The following RB1 variants were observed in gnomAD, a reference collection of about 807,000 sequenced individuals.
RB1 encodes the protein RB transcriptional corepressor 1.
A neutral mutation model predicts 135.4 loss-of-function variants in RB1; 18 were observed. That is an observed-to-expected ratio of 0.13 (90% CI 0.09 to 0.20). The LOEUF (loss-of-function observed/expected upper bound fraction) is 0.20. RB1 is among the 10% of genes least tolerant of loss of function. The pLI, the probability that RB1 is intolerant of heterozygous loss-of-function variation, is 1.00. For synonymous variants in RB1, 365 were observed against 373.2 expected (o/e 0.98, Z 0.25); for missense variants, 868 against 1,110.0 (o/e 0.78, Z 3.10).
In RB1 at chr13:48,320,837, G is replaced by GAA. The variant is rs531135502; in HGVS notation, c.264+13444_264+13445dup. ...CAGAGCGAGACTCCGTCTCAAAAAA[G>GAA]AAAAAAAAAAAAAAGAGTGGCAAGT... is the stretch of plus-strand genomic sequence containing the variant. On this transcript the variant is annotated intron_variant, in intron 2 of 26. Transcript: ENST00000267163. 6.3e-3 allele frequency among the ~76,000 whole-genome samples: 691 copies of GAA among 108,956 alleles called. 11 individuals carry two copies. The highest frequency in any genetic ancestry group is 0.044 in the South Asian group (153 of 3,496). The allele number at this position is 108,956 out of a possible 152,430, so 71.5% of individuals were successfully genotyped here. A position where few individuals can be genotyped will look rare whatever the true frequency, so the allele number is the denominator to read the frequency against.
chr13:48,381,924 C>A (rs989978262), intron 17 of RB1, among the ~76,000 whole-genome samples: 1 of 152,156 alleles, frequency 6.6e-6, no homozygotes, highest in Middle Eastern at 3.4e-3. Context: ...CATTTCCCAC[C>A]TATGAGTGAG....
rs1566197747 is a variant in RB1, at chr13:48,376,996, A to G, written c.1294A>G (p.Lys432Glu). 1.2e-6 allele frequency: 2 copies of G among 1,613,850 alleles called. No individual in the cohort carries two copies. Among genetic ancestry groups the G allele is most frequent in the Non-Finnish European group, 1.7e-6 (2 of 1,179,866 alleles). Reference protein sequence around the residue: ...IGYIFKEKFAKAVGQGCVEIG... With the variant: ...IGYIFKEKFAEAVGQGCVEIG... ...ATACATCTTTAAAGAGAAATTTGCTAAAGCTGTGGGACAGGGTTGTGTCGA... is the reference window on the plus strand; with the variant it reads ...ATACATCTTTAAAGAGAAATTTGCTGAAGCTGTGGGACAGGGTTGTGTCGA... The change falls in exon 13 of 27, where the codon AAA (lysine) becomes GAA (glutamate). Residue 432 changes from lysine to glutamate, a missense_variant. This residue lies in a region of RB1 where 641 missense variants were observed against 791.3 expected (regional missense o/e 0.81). Coordinates refer to ENST00000267163, the MANE Select transcript of RB1 (RefSeq NM_000321.3).
chr13:48,335,395 T>G (rs1024415538), intron 2 of RB1, among the ~76,000 whole-genome samples: 2 of 152,108 alleles, frequency 1.3e-5, no homozygotes, highest in African/African-American at 4.8e-5. Flanking sequence ...ACATATCAAG[T>G]GTACACATTT....
At position 48,476,527 on chromosome 13, in the gene RB1, T is replaced by G. The variant is rs530935297; in HGVS notation, c.2521-174T>G. 3.0e-5 allele frequency: 19 copies of G among 629,892 alleles called. No homozygotes were observed. In the Admixed American group the frequency reaches 3.4e-4, roughly 11 times the overall value. The allele number at this position is 629,892 out of a possible 1,614,324, so 39.0% of individuals were successfully genotyped here. ...TTTAATTGGGGATGGAATTAGGTAGTTATTCTGATTTTTAGATTTTTCATA... is the reference window on the plus strand; with the variant it reads ...TTTAATTGGGGATGGAATTAGGTAGGTATTCTGATTTTTAGATTTTTCATA... On this transcript the variant is annotated intron_variant, in intron 24 of 26. Transcript: ENST00000267163.
At chr13:48,381,588 C>G in intron 17 of RB1, 145 bp downstream of exon 17, 1 of 826,876 alleles carries the variant, frequency 1.2e-6, no homozygotes, top group Admixed American at 2.2e-5. Context: ...GCCCAAGGAT[C>G]AAGTGGAATA....
intron 17 of RB1, among the ~76,000 whole-genome samples, chr13:48,400,109 T>A (rs1385242758): frequency 6.6e-6 from 1 of 152,130 alleles, no homozygotes; most frequent in African/African-American, 2.4e-5. Flanking sequence ...TAGGAAGTAG[T>A]GCTCATCACT....
chr13:48,407,385 A>G (rs1283265451), intron 17 of RB1, among the ~76,000 whole-genome samples: 2 of 152,286 alleles, frequency 1.3e-5, no homozygotes, highest in East Asian at 1.9e-4. Flanking sequence ...GAGGCTTAAC[A>G]CTATCATTTT....
At chr13:48,411,131 C>G (rs1948791631) in intron 17 of RB1, 1 of 321,148 alleles carries the variant, frequency 3.1e-6, no homozygotes, top group Non-Finnish European at 5.8e-6. Flanking sequence ...CACTTTTAGA[C>G]ACTAAATAAC....
At chr13:48,315,383 A>C (rs1474852196) in intron 2 of RB1, among the ~76,000 whole-genome samples, 1 of 152,186 alleles carries the variant, frequency 6.6e-6, no homozygotes, top group African/African-American at 2.4e-5. Context: ...CATTGATTTT[A>C]TATCCTGAAA....
intron 17 of RB1, among the ~76,000 whole-genome samples, chr13:48,416,755 G>A (rs1270854232): frequency 1.3e-5 from 2 of 152,128 alleles, no homozygotes; most frequent in African/African-American, 4.8e-5. Context: ...TGGGAGGAGG[G>A]GCTTCTGCCA....
At chr13:48,334,526 A>T (rs1447996766) in intron 2 of RB1, among the ~76,000 whole-genome samples, 1 of 152,186 alleles carries the variant, frequency 6.6e-6, no homozygotes, top group Non-Finnish European at 1.5e-5. Context: ...ATGCGTAAGG[A>T]TATATCTTTT....
Position 48,480,262 on chromosome 13 carries a change from T to A in RB1, c.*191T>A, listed in dbSNP as rs1175349461. ...CCACTTGAAATGTTAGTCATTGTTATTTATACAAGATTGAAAATCTTGTGT... is the reference window on the plus strand; with the variant it reads ...CCACTTGAAATGTTAGTCATTGTTAATTATACAAGATTGAAAATCTTGTGT... On this transcript the variant is annotated 3_prime_UTR_variant, in exon 27 of 27. Coordinates refer to ENST00000267163, the MANE Select transcript of RB1 (RefSeq NM_000321.3). 1 of 598,914 alleles carries A rather than the reference T, an allele frequency of 1.7e-6. No homozygotes were observed. Among genetic ancestry groups the A allele is most frequent in the African/African-American group, 1.9e-5 (1 of 53,780 alleles). The allele number at this position is 598,914 out of a possible 1,614,324, so 37.1% of individuals were successfully genotyped here. A position where few individuals can be genotyped will look rare whatever the true frequency, so the allele number is the denominator to read the frequency against.
chr13:48,364,795 G>A, intron 8 of RB1, 99 bp from the exon 9 acceptor site: 1 of 1,342,290 alleles, frequency 7.4e-7, no homozygotes, highest in Non-Finnish European at 1.0e-6. Context: ...TACTGCATGG[G>A]GGATTGACAC....
chr13:48,337,914 G>T (rs996366361), intron 2 of RB1, among the ~76,000 whole-genome samples: 1 of 152,140 alleles, frequency 6.6e-6, no homozygotes, highest in African/African-American at 2.4e-5. Flanking sequence ...GCCTGTGAAG[G>T]ATTTTATTTC....
Position 48,359,865 on chromosome 13 carries a change from T to C in RB1, c.608-152T>C, listed in dbSNP as rs1778550925. ...TTTATACCTTTTAAAACAGATTTTT[T>C]TTTTTTTTACAAAAAAAAGAAAGAA... On this transcript the variant is annotated intron_variant, in intron 6 of 26. Transcript: ENST00000267163. 1.0e-5 allele frequency: 12 copies of C among 1,203,126 alleles called. No homozygotes were observed. In the Admixed American group the frequency reaches 1.8e-4, roughly 18 times the overall value. The allele number at this position is 1,203,126 out of a possible 1,614,324, so 74.5% of individuals were successfully genotyped here. A position where few individuals can be genotyped will look rare whatever the true frequency, so the allele number is the denominator to read the frequency against.
chr13:48,352,486 T>G (rs980098984), intron 6 of RB1, among the ~76,000 whole-genome samples: 2 of 152,334 alleles, frequency 1.3e-5, no homozygotes, highest in South Asian at 4.1e-4. Context: ...TTCCTATCCA[T>G]GAGCATGGGA....
intron 1 of RB1, among the ~76,000 whole-genome samples, chr13:48,304,291 C>CTA (rs1952058452): frequency 6.6e-6 from 1 of 152,176 alleles, no homozygotes; most frequent in Non-Finnish European, 1.5e-5. Context: ...GGCTAGGGTC[C>CTA]TGAGCGAAGT....
Position 48,380,213 on chromosome 13 carries a change from T to C in RB1, c.1470T>C (p.Ala490=), listed in dbSNP as rs1213010309. The change falls in exon 16 of 27, where the codon GCT becomes GCC. Residue 490 remains alanine, a synonymous_variant. Coordinates refer to ENST00000267163, the MANE Select transcript of RB1 (RefSeq NM_000321.3). ...NIFHMSLLAC[A]LEVVMATYSR... ...TTCATATGTCTTTATTGGCGTGCGC[T>C]CTTGAGGTTGTAATGGCCACATATA... 6.2e-7 allele frequency: 1 copy of C among 1,607,856 alleles called. No homozygotes were observed. The highest frequency in any genetic ancestry group is 1.1e-5 in the South Asian group (1 of 90,492).
At chr13:48,334,325 G>C (rs1952364215) in intron 2 of RB1, among the ~76,000 whole-genome samples, 1 of 152,140 alleles carries the variant, frequency 6.6e-6, no homozygotes, top group African/African-American at 2.4e-5. Context: ...ACTGCTGTAA[G>C]CTCATATTAT....
Sources: gnomAD v4.1 joint callset for allele counts (sites outside exome capture counted in the v4.1 genomes callset) on GRCh38, gnomAD v4.1.1 for gene constraint, gnomAD v4.1.1 regional missense constraint, MANE v1.5 for transcripts, NCBI Gene and HGNC (gene_info 2026-07-23, HGNC 2026-07-21) for gene names.